PHLPP1: variants seen among roughly 807,000 people sequenced by gnomAD.
PHLPP1 encodes the protein PH domain and leucine rich repeat protein phosphatase 1.
Under a neutral mutation model 117.2 loss-of-function variants are expected in PHLPP1, and 42 were observed. The observed-to-expected ratio is 0.36, with a 90% CI of 0.28 to 0.46. PHLPP1 has a LOEUF of 0.46. Among genes scored for constraint, PHLPP1 ranks in the 20% least tolerant of loss-of-function variants. PHLPP1 has a pLI of 1.00. For synonymous variants in PHLPP1, 1,042 were observed against 970.7 expected, an observed-to-expected ratio of 1.07 and a Z score of -1.37; for missense variants, 2,084 against 2,241.9, an observed-to-expected ratio of 0.93 and a Z score of 1.42.
chr18:62,846,294 C>CCA (rs1915181964), intron 3 of PHLPP1, among the ~76,000 whole-genome samples: 1 of 150,356 alleles, frequency 6.7e-6, no homozygotes, highest in African/African-American at 2.4e-5. Flanking sequence ...TGCTCTTGTA[C>CCA]CAATTCTGTA....
intron 10 of PHLPP1, among the ~76,000 whole-genome samples, chr18:62,929,940 G>C (rs981805150): frequency 1.6e-4 from 25 of 152,092 alleles, no homozygotes; most frequent in African/African-American, 4.8e-4. Flanking sequence ...CTGAGTGACA[G>C]ACCGTCTCTA....
At chr18:62,853,519 G>A (rs978152859) in intron 3 of PHLPP1, among the ~76,000 whole-genome samples, 6 of 151,752 alleles carry the variant, frequency 4.0e-5, no homozygotes, top group South Asian at 2.1e-4. Context: ...ACAGGTGCCC[G>A]CCACCCCACC....
At chr18:62,894,977 C>CT in intron 4 of PHLPP1, 34 bp from the exon 5 acceptor site, 1 of 1,525,086 alleles carries the variant, frequency 6.6e-7, no homozygotes, top group Non-Finnish European at 8.9e-7. Context: ...ACATTTGTCT[C>CT]TTTTTTCCCT....
chr18:62,964,551 G>T (rs1308072878), intron 14 of PHLPP1, among the ~76,000 whole-genome samples: 1 of 152,180 alleles, frequency 6.6e-6, no homozygotes, highest in East Asian at 1.9e-4. Flanking sequence ...CTCTAGAGAA[G>T]AGTTAACAAC....
chr18:62,717,464 G>T (rs528827483), intron 1 of PHLPP1, among the ~76,000 whole-genome samples: 1 of 152,198 alleles, frequency 6.6e-6, no homozygotes, highest in African/African-American at 2.4e-5. Context: ...AATCTTGAGG[G>T]CTCAGAGGTT....
chr18:62,895,693 A>G (rs1916541878), intron 5 of PHLPP1, 88 bp from the exon 6 acceptor site: 5 of 840,110 alleles, frequency 6.0e-6, no homozygotes, highest in African/African-American at 1.7e-5. Flanking sequence ...TTCTGGTAAT[A>G]CGGTCTACAC....
In PHLPP1 at chr18:62,978,114, A is replaced by C. The variant is rs1911247151; in HGVS notation, c.3985-148A>C. ...GACAGGTGCACATTAACTACTCACT[A>C]CAGAGTGAGCCCTTCTTTCCTCTGT... On this transcript the variant is annotated intron_variant, in intron 16 of 16. Transcript: ENST00000262719. The surrounding 1 kb of genome is among the most constrained non-coding windows in gnomAD (Gnocchi z 7.0). The C allele has an allele frequency of 2.7e-5, 16 of 598,814 alleles. No individual in the cohort carries two copies. The South Asian group carries it at 3.2e-4, about 12-fold the overall frequency. The allele number at this position is 598,814 out of a possible 1,614,324, so 37.1% of individuals were successfully genotyped here. A position where few individuals can be genotyped will look rare whatever the true frequency, so the allele number is the denominator to read the frequency against.
At chr18:62,921,614 G>C (rs1474974995) in intron 10 of PHLPP1, among the ~76,000 whole-genome samples, 4 of 152,220 alleles carry the variant, frequency 2.6e-5, no homozygotes, top group South Asian at 2.1e-4. Flanking sequence ...ACTGTGTCTG[G>C]AATAAAGGAA....
At chr18:62,810,116 A>G (rs1370464257) in intron 1 of PHLPP1, among the ~76,000 whole-genome samples, 3 of 152,222 alleles carry the variant, frequency 2.0e-5, no homozygotes, top group Non-Finnish European at 4.4e-5. Flanking sequence ...GGTACAGTCT[A>G]CTCATACACT....
chr18:62,798,958 A>G (rs999674216), intron 1 of PHLPP1, among the ~76,000 whole-genome samples: 1 of 152,256 alleles, frequency 6.6e-6, no homozygotes, highest in African/African-American at 2.4e-5. Context: ...GGCAAATTTT[A>G]GTTTTAGCAA....
chr18:62,828,601 C>G (rs890634542), intron 1 of PHLPP1, among the ~76,000 whole-genome samples: 1 of 152,170 alleles, frequency 6.6e-6, no homozygotes, highest in Non-Finnish European at 1.5e-5. Flanking sequence ...GGCTTATTTC[C>G]TAACATCTGT....
chr18:62,794,036 T>TA (rs1432211301), intron 1 of PHLPP1, among the ~76,000 whole-genome samples: 1 of 152,232 alleles, frequency 6.6e-6, no homozygotes, highest in African/African-American at 2.4e-5. Flanking sequence ...CAAGTTTTGT[T>TA]AAAGAAATTA....
At chr18:62,957,209 T>TTC (rs1259137402) in intron 12 of PHLPP1, among the ~76,000 whole-genome samples, 1 of 152,212 alleles carries the variant, frequency 6.6e-6, no homozygotes, top group Non-Finnish European at 1.5e-5. Context: ...ATGCTGAGCC[T>TTC]TCTCCACCTA....
At chr18:62,833,137 G>C (rs905648819) in intron 2 of PHLPP1, among the ~76,000 whole-genome samples, 1 of 152,002 alleles carries the variant, frequency 6.6e-6, no homozygotes, top group Non-Finnish European at 1.5e-5. Context: ...GCAGTGGTGC[G>C]ATCTTGGGTC....
chr18:62,781,351 T>C (rs1182304785), intron 1 of PHLPP1, among the ~76,000 whole-genome samples: 1 of 152,202 alleles, frequency 6.6e-6, no homozygotes, highest in Non-Finnish European at 1.5e-5. Context: ...TGTGGGTTGC[T>C]CACCTAACCT....
At chr18:62,913,969 C>T (rs1917033290) in intron 8 of PHLPP1, among the ~76,000 whole-genome samples, 1 of 152,114 alleles carries the variant, frequency 6.6e-6, no homozygotes, top group Admixed American at 6.6e-5. Context: ...TTGTGTCAAA[C>T]TCCTGACCTC....
At chr18:62,931,200 A>AC (rs201702495) in intron 10 of PHLPP1, among the ~76,000 whole-genome samples, 15,127 of 123,414 alleles carry the variant, frequency 0.12, 832 homozygotes, top group Middle Eastern at 0.2. Context: ...CCATCTAAAA[A>AC]AAAAAAACAA....
chr18:62,764,183 AC>A (rs369636255), intron 1 of PHLPP1, among the ~76,000 whole-genome samples: 1,666 of 141,724 alleles, frequency 0.012, 23 homozygotes, highest in African/African-American at 0.014. Context: ...AAAAAAAAAA[AC>A]AACAACAACC....
chr18:62,834,526 C>CT (rs1914838016), intron 2 of PHLPP1, among the ~76,000 whole-genome samples: 1 of 152,158 alleles, frequency 6.6e-6, no homozygotes, highest in Non-Finnish European at 1.5e-5. Context: ...TGGGTATACA[C>CT]TTTGGAGCTC....
Sources: gnomAD v4.1 joint callset for allele counts (sites outside exome capture counted in the v4.1 genomes callset) on GRCh38, gnomAD v4.1.1 for gene constraint, Gnocchi (gnomAD v3.1) non-coding constraint, MANE v1.5 for transcripts, NCBI Gene and HGNC (gene_info 2026-07-23, HGNC 2026-07-21) for gene names.